Variants in PTPRD observed in about 807,000 individuals in gnomAD.
PTPRD encodes the protein receptor-type tyrosine-protein phosphatase delta.
PTPRD carries 34 observed loss-of-function variants against 214.5 expected under a neutral mutation model. The observed-to-expected ratio is 0.16, with a 90% CI of 0.12 to 0.21. PTPRD has a LOEUF of 0.21. Among genes scored for constraint, PTPRD ranks in the 10% least tolerant of loss-of-function variants. The probability of loss-of-function intolerance (pLI) is 1.00; values close to 1 mark genes in which losing one functional copy is unlikely to be tolerated. For synonymous variants in PTPRD, 1,128 were observed against 845.7 expected (o/e 1.33, Z -5.79); for missense variants, 2,545 against 2,398.7 (o/e 1.06, Z -1.27).
rs372692109 is a variant in PTPRD at position 8,985,177 on chromosome 9, G to C, written c.-104+33520C>G. 2.3e-4 allele frequency among the ~76,000 whole-genome samples: 35 copies of C among 152,054 alleles called. No individual in the cohort carries two copies. The South Asian group carries it at 6.6e-3, about 29-fold the overall frequency. On this transcript the variant is annotated intron_variant, in intron 11 of 45. Transcript: ENST00000381196. ...TTAGATTTGAAATACATATTGTTTAGAATTTCAGAAGTTTTTAGGAGAACA... is the reference window on the plus strand; with the variant it reads ...TTAGATTTGAAATACATATTGTTTACAATTTCAGAAGTTTTTAGGAGAACA...
chr9:10,043,158 C>G (rs1437275111), intron 3 of PTPRD, among the ~76,000 whole-genome samples: 1 of 151,886 alleles, frequency 6.6e-6, no homozygotes, highest in Non-Finnish European at 1.5e-5. Flanking sequence ...AAAATGTTTT[C>G]TGGTTGTGAA....
chr9:9,542,954 G>C (rs1385487142), intron 8 of PTPRD, among the ~76,000 whole-genome samples: 2 of 151,594 alleles, frequency 1.3e-5, no homozygotes, highest in African/African-American at 4.8e-5. Context: ...GCGTTTTCTA[G>C]CAATTCCAGT....
At chr9:10,095,607 G>C (rs1365197029) in intron 3 of PTPRD, among the ~76,000 whole-genome samples, 2 of 151,452 alleles carry the variant, frequency 1.3e-5, no homozygotes, top group Non-Finnish European at 3.0e-5. Flanking sequence ...AAATAATGAA[G>C]ACTGAGATAA....
intron 8 of PTPRD, among the ~76,000 whole-genome samples, chr9:9,562,688 G>C (rs528900228): frequency 1.6e-3 from 241 of 152,046 alleles, no homozygotes; most frequent in African/African-American, 5.4e-3. Context: ...AACACCTTTA[G>C]TTCCTGAGCA....
At chr9:10,283,278 T>C (rs771737515) in intron 3 of PTPRD, among the ~76,000 whole-genome samples, 19 of 152,172 alleles carry the variant, frequency 1.2e-4, no homozygotes, top group Middle Eastern at 3.2e-3. Context: ...GGTCCTTTCA[T>C]CCATAAGAAA....
intron 5 of PTPRD, among the ~76,000 whole-genome samples, chr9:9,814,301 T>TAAA (rs1183247419): frequency 1.3e-5 from 1 of 78,540 alleles, no homozygotes. Context: ...AGCAATTAGG[T>TAAA]AAGAAAGAAA....
At position 10,308,574 on chromosome 9, in the gene PTPRD, G is replaced by T. The variant is rs537898191; in HGVS notation, c.-545+32389C>A. ...TTTTGTGGTTTCATAAAAATTTAAA[G>T]ATTTTATTCTATTTCTGTGAATAAT... On this transcript the variant is annotated intron_variant, in intron 3 of 45. Coordinates refer to ENST00000381196, the MANE Select transcript of PTPRD (RefSeq NM_002839.4). Among the ~76,000 whole-genome samples the T allele has an allele frequency of 1.8e-4, 28 of 151,946 alleles. 1 individual carries two copies. In the South Asian group the frequency reaches 5.2e-3, roughly 28 times the overall value.
intron 9 of PTPRD, among the ~76,000 whole-genome samples, chr9:9,233,476 T>C (rs2099964471): frequency 6.6e-6 from 1 of 152,172 alleles, no homozygotes; most frequent in Non-Finnish European, 1.5e-5. Flanking sequence ...TCTCATGTTC[T>C]TACATTTCAA....
intron 14 of PTPRD, among the ~76,000 whole-genome samples, chr9:8,597,993 A>T (rs938170903): frequency 1.3e-5 from 2 of 152,184 alleles, no homozygotes; most frequent in Non-Finnish European, 2.9e-5. Flanking sequence ...ATCTATAAAC[A>T]TCTCTCATTT....
At chr9:10,513,993 C>A (rs1312822276) in intron 2 of PTPRD, among the ~76,000 whole-genome samples, 2 of 152,146 alleles carry the variant, frequency 1.3e-5, no homozygotes, top group Non-Finnish European at 2.9e-5. Flanking sequence ...AATGACTTGA[C>A]AATGCTTACT....
At chr9:10,343,832 TTTTTCTTGTAAATTTGTTTGAGCTCTTCG>T (rs1341070045) in intron 2 of PTPRD, among the ~76,000 whole-genome samples, 117 of 152,162 alleles carry the variant, frequency 7.7e-4, no homozygotes, top group South Asian at 1.7e-3. Flanking sequence ...GTTGTTTGTT[TTTTTCTTGTAAATTTGTTTGAGCTCTTCG>T]TTTTCTTGTA....
chr9:8,886,310 T>C (rs1213385875), intron 11 of PTPRD, among the ~76,000 whole-genome samples: 1 of 152,176 alleles, frequency 6.6e-6, no homozygotes, highest in Non-Finnish European at 1.5e-5. Context: ...ATTGCCATAG[T>C]TATGAAAGGG....
At chr9:8,908,432 A>T (rs1030568748) in intron 11 of PTPRD, among the ~76,000 whole-genome samples, 1 of 152,180 alleles carries the variant, frequency 6.6e-6, no homozygotes, top group African/African-American at 2.4e-5. Context: ...GAAATCAACA[A>T]CAGAAAAAAA....
intron 8 of PTPRD, among the ~76,000 whole-genome samples, chr9:9,416,737 T>C (rs2077106856): frequency 6.6e-6 from 1 of 152,152 alleles, no homozygotes; most frequent in Non-Finnish European, 1.5e-5. Flanking sequence ...GTTCTACCCA[T>C]TTGATAGGCA....
chr9:9,288,258 T>C (rs1950113214), intron 9 of PTPRD, among the ~76,000 whole-genome samples: 2 of 151,920 alleles, frequency 1.3e-5, no homozygotes, highest in African/African-American at 4.8e-5. Flanking sequence ...CACTTGAACA[T>C]ATTTATTCAG....
At chr9:9,231,220 A>C (rs771981517) in intron 9 of PTPRD, among the ~76,000 whole-genome samples, 5 of 152,178 alleles carry the variant, frequency 3.3e-5, no homozygotes, top group Admixed American at 6.6e-5. Flanking sequence ...GTTAGACTTA[A>C]AAAACAGACA....
chr9:8,401,218 G>A (rs2092342905), intron 36 of PTPRD, among the ~76,000 whole-genome samples: 2 of 150,718 alleles, frequency 1.3e-5, no homozygotes, highest in Admixed American at 6.6e-5. Flanking sequence ...AAGCTGGAGT[G>A]CAGTGGGACA....
intron 8 of PTPRD, among the ~76,000 whole-genome samples, chr9:9,435,150 G>T (rs960919063): frequency 6.6e-6 from 1 of 151,690 alleles, no homozygotes; most frequent in African/African-American, 2.4e-5. Context: ...ATTATTTTTT[G>T]ATCATCTTGG....
intron 9 of PTPRD, among the ~76,000 whole-genome samples, chr9:9,386,841 T>C (rs1346702318): frequency 6.6e-6 from 1 of 152,112 alleles, no homozygotes; most frequent in Non-Finnish European, 1.5e-5. Context: ...TCTGGTATTT[T>C]ATGAAATAAA....
Sources: allele counts gnomAD v4.1 joint callset (sites outside exome capture counted in the v4.1 genomes callset), GRCh38; gene constraint gnomAD v4.1.1; transcripts MANE v1.5; gene names NCBI Gene and HGNC (gene_info 2026-07-23, HGNC 2026-07-21).